The following TNIK variants were observed in gnomAD, a reference collection of about 807,000 sequenced individuals.
TNIK encodes TRAF2 and NCK interacting kinase, also known as TRAF2 and NCK-interacting protein kinase.
TNIK carries 49 observed loss-of-function variants against 191.3 expected under a neutral mutation model. The observed-to-expected ratio is 0.26, with a 90% CI of 0.20 to 0.32. The LOEUF (loss-of-function observed/expected upper bound fraction) is 0.32, where lower values mean the gene tolerates loss of function less well. TNIK is among the 10% of genes least tolerant of loss of function. The probability of loss-of-function intolerance (pLI) is 1.00; values close to 1 mark genes in which losing one functional copy is unlikely to be tolerated. For missense variants in TNIK, 1,155 were observed against 1,702.3 expected, an observed-to-expected ratio of 0.68 and a Z score of 5.66; for synonymous variants, 594 against 600.9, an observed-to-expected ratio of 0.99 and a Z score of 0.17.
intron 1 of TNIK, among the ~76,000 whole-genome samples, chr3:171,390,246 G>A (rs181207745): frequency 5.0e-4 from 76 of 152,252 alleles, no homozygotes; most frequent in South Asian, 1.9e-3. Context: ...AAGAGATCCC[G>A]GGTAATTACT....
intron 1 of TNIK, among the ~76,000 whole-genome samples, chr3:171,403,184 C>A (rs989832823): frequency 1.3e-5 from 2 of 152,160 alleles, no homozygotes; most frequent in African/African-American, 2.4e-5. Context: ...AGAAATGGCC[C>A]CAACAAGATG....
intron 13 of TNIK, among the ~76,000 whole-genome samples, chr3:171,139,883 A>C (rs1251724282): frequency 6.6e-6 from 1 of 152,206 alleles, no homozygotes; most frequent in Non-Finnish European, 1.5e-5. Flanking sequence ...GGAATTAACA[A>C]TGCTATAAAG....
intron 24 of TNIK, among the ~76,000 whole-genome samples, chr3:171,085,862 G>T (rs1229651155): frequency 6.6e-6 from 1 of 152,094 alleles, no homozygotes; most frequent in Non-Finnish European, 1.5e-5. Context: ...ACTTCATGAG[G>T]ATATTACGTT....
intron 2 of TNIK, among the ~76,000 whole-genome samples, chr3:171,248,899 T>C (rs1030396664): frequency 1.3e-5 from 2 of 152,232 alleles, no homozygotes; most frequent in African/African-American, 4.8e-5. Flanking sequence ...TACAAAATCA[T>C]TTTACTTGGT....
intron 2 of TNIK, among the ~76,000 whole-genome samples, chr3:171,317,555 A>G (rs979245034): frequency 6.6e-6 from 1 of 152,318 alleles, no homozygotes; most frequent in Middle Eastern, 3.4e-3. Context: ...ACTGTTAACC[A>G]AGAGAAACAA....
At chr3:171,419,225 T>G (rs993265301) in intron 1 of TNIK, among the ~76,000 whole-genome samples, 3 of 152,100 alleles carry the variant, frequency 2.0e-5, no homozygotes, top group Non-Finnish European at 4.4e-5. Context: ...CCTGAAAACA[T>G]TATGGTATGT....
chr3:171,256,642 G>A (rs77124596), intron 2 of TNIK, among the ~76,000 whole-genome samples: 8,939 of 152,236 alleles, frequency 0.059, 299 homozygotes, highest in Middle Eastern at 0.12. Context: ...TTTACAAAGG[G>A]TGACTAGCTG....
At chr3:171,186,813 A>G (rs769422005) in intron 7 of TNIK, among the ~76,000 whole-genome samples, 9 of 152,182 alleles carry the variant, frequency 5.9e-5, no homozygotes, top group Non-Finnish European at 8.8e-5. Context: ...ATACAACAGG[A>G]TTTGCCCATA....
intron 1 of TNIK, among the ~76,000 whole-genome samples, chr3:171,428,852 TC>T (rs150666660): frequency 3.2e-4 from 48 of 152,282 alleles, no homozygotes; most frequent in African/African-American, 1.1e-3. Flanking sequence ...CATTGTCTCC[TC>T]CTTTTTCTTC....
chr3:171,303,830 C>G (rs1286071877), intron 2 of TNIK, among the ~76,000 whole-genome samples: 1 of 152,142 alleles, frequency 6.6e-6, no homozygotes, highest in African/African-American at 2.4e-5. Context: ...AGAAAAATAT[C>G]ATTGCTAGCC....
chr3:171,093,414 C>T (rs573654343), intron 23 of TNIK, among the ~76,000 whole-genome samples: 2 of 152,210 alleles, frequency 1.3e-5, no homozygotes, highest in African/African-American at 4.8e-5. Flanking sequence ...ATGATATCAT[C>T]ATTTCTTGGA....
chr3:171,394,821 C>T (rs973820584), intron 1 of TNIK, among the ~76,000 whole-genome samples: 5 of 152,164 alleles, frequency 3.3e-5, no homozygotes, highest in African/African-American at 1.2e-4. Context: ...TGGCATTGAT[C>T]AAATACTGCC....
At chr3:171,164,543 G>A (rs996215586) in intron 10 of TNIK, among the ~76,000 whole-genome samples, 5 of 152,196 alleles carry the variant, frequency 3.3e-5, no homozygotes, top group African/African-American at 1.2e-4. Flanking sequence ...TTTTAAAGAT[G>A]AGAAAACTGG....
At chr3:171,229,914 G>A (rs1168700876) in intron 2 of TNIK, among the ~76,000 whole-genome samples, 2 of 152,082 alleles carry the variant, frequency 1.3e-5, no homozygotes, top group Non-Finnish European at 2.9e-5. Context: ...AAAGAGCCCT[G>A]GACCAGAATC....
At chr3:171,416,034 A>C (rs1399675203) in intron 1 of TNIK, among the ~76,000 whole-genome samples, 1 of 151,464 alleles carries the variant, frequency 6.6e-6, no homozygotes, top group African/African-American at 2.4e-5. Context: ...AAGAAAAAGA[A>C]AGAAAGAAAA....
chr3:171,380,931 T>C (rs1213930112), intron 1 of TNIK, among the ~76,000 whole-genome samples: 1 of 152,230 alleles, frequency 6.6e-6, no homozygotes, highest in African/African-American at 2.4e-5. Context: ...CAGGGACCTG[T>C]CATCTGGCAG....
At chr3:171,430,084 C>T (rs542308009) in intron 1 of TNIK, among the ~76,000 whole-genome samples, 5 of 152,106 alleles carry the variant, frequency 3.3e-5, no homozygotes, top group African/African-American at 1.2e-4. Flanking sequence ...AGGCTATGCA[C>T]GCTAAAGTTT....
chr3:171,426,028 C>T (rs1278258310), intron 1 of TNIK, among the ~76,000 whole-genome samples: 3 of 152,018 alleles, frequency 2.0e-5, no homozygotes, highest in African/African-American at 4.8e-5. Flanking sequence ...TGAGAAATAC[C>T]GTTTGACCCA....
chr3:171,414,309 A>G (rs901858387), intron 1 of TNIK, among the ~76,000 whole-genome samples: 2 of 152,262 alleles, frequency 1.3e-5, no homozygotes, highest in Non-Finnish European at 2.9e-5. Context: ...ATAGCTGAGT[A>G]ATTCATGAGG....
Sources: gnomAD v4.1 joint callset for allele counts (sites outside exome capture counted in the v4.1 genomes callset) on GRCh38, gnomAD v4.1.1 for gene constraint, MANE v1.5 for transcripts, NCBI Gene and HGNC (gene_info 2026-07-23, HGNC 2026-07-21) for gene names.